PTPRJ: variants seen among roughly 807,000 people sequenced by gnomAD.
PTPRJ encodes the protein receptor-type tyrosine-protein phosphatase eta.
A neutral mutation model predicts 141.3 loss-of-function variants in PTPRJ; 129 were observed. The ratio of observed to expected loss-of-function variants is 0.91; its 90% CI spans 0.79 to 1.06. The LOEUF (loss-of-function observed/expected upper bound fraction) is 1.06. PTPRJ is among the 50% of genes least tolerant of loss of function. The pLI is 0.00. For missense variants in PTPRJ, 1,601 were observed against 1,679.7 expected (o/e 0.95, Z 0.82); for synonymous variants, 610 against 640.5 (o/e 0.95, Z 0.72).
rs1858027756 is a variant in PTPRJ, at chr11:48,170,448, C to T, written c.*3086C>T. 1 of 152,156 alleles carries T rather than the reference C, an allele frequency of 6.6e-6. No individual in the cohort carries two copies. Among genetic ancestry groups the T allele is most frequent in the African/African-American group, 2.4e-5 (1 of 41,402 alleles). The allele number at this position is 152,156 out of a possible 1,614,324, so 9.4% of individuals were successfully genotyped here. On this transcript the variant is annotated 3_prime_UTR_variant, in exon 25 of 25. Coordinates refer to ENST00000418331, the MANE Select transcript of PTPRJ (RefSeq NM_002843.4). ...CGAGGGGCGGGGGTCAGCTATGCAG[C>T]CCATCACGTGTGTTTTTCATCTGGG... is the stretch of plus-strand genomic sequence containing the variant.
In PTPRJ at chr11:47,980,874, G is replaced by A. The variant is rs1265634814; in HGVS notation, c.-39G>A. The A allele has an allele frequency of 8.1e-6, 9 of 1,106,206 alleles. No individual in the cohort carries two copies. 68.5% of individuals were successfully genotyped at this position (1,106,206 alleles called of 1,614,324 possible). ...CGGGCTCGGGCGCACGGCGGGGCCC[G>A]ATTCGCGCGTCCGGGGCACGTTCCA... On this transcript the variant is annotated 5_prime_UTR_variant, in exon 1 of 25. Transcript: ENST00000418331.
chr11:48,006,506 G>A (rs1398957885), intron 1 of PTPRJ, among the ~76,000 whole-genome samples: 1 of 152,194 alleles, frequency 6.6e-6, no homozygotes, highest in Admixed American at 6.5e-5. Context: ...GTGGAGGCCA[G>A]TGAGCTGGTT....
At chr11:48,153,141 G>A (rs908509694) in intron 18 of PTPRJ, among the ~76,000 whole-genome samples, 1 of 152,180 alleles carries the variant, frequency 6.6e-6, no homozygotes. Context: ...ATCGGGTGCT[G>A]CAGCCAAGGA....
At chr11:48,114,465 T>C (rs1200440671) in intron 3 of PTPRJ, among the ~76,000 whole-genome samples, 1 of 130,894 alleles carries the variant, frequency 7.6e-6, no homozygotes, top group African/African-American at 3.0e-5. Flanking sequence ...AAAAGAAAAA[T>C]TCCTAGCAAG....
chr11:48,008,365 A>G (rs1163116795), intron 1 of PTPRJ, among the ~76,000 whole-genome samples: 2 of 151,762 alleles, frequency 1.3e-5, no homozygotes, highest in South Asian at 2.1e-4. Context: ...GGTTTAAGCA[A>G]TTCTCTGCCT....
chr11:48,056,227 G>A (rs555662617), intron 1 of PTPRJ, among the ~76,000 whole-genome samples: 2 of 152,242 alleles, frequency 1.3e-5, no homozygotes, highest in East Asian at 1.9e-4. Flanking sequence ...GAAGTTAGAC[G>A]CACACATAAT....
chr11:48,109,225 G>T (rs1856374966), intron 1 of PTPRJ, among the ~76,000 whole-genome samples: 1 of 152,018 alleles, frequency 6.6e-6, no homozygotes, highest in Admixed American at 6.5e-5. Context: ...GAAAGTAGGA[G>T]GACGGTTTTT....
chr11:48,167,319 C>G lies in PTPRJ; in HGVS notation c.3971C>G (p.Ala1324Gly). 1 of 1,614,054 alleles carries G rather than the reference C, an allele frequency of 6.2e-7. No individual in the cohort carries two copies. The change falls in exon 25 of 25, where the codon GCG becomes GGG. Residue 1324 changes from alanine to glycine, a missense_variant. Coordinates refer to ENST00000418331, the MANE Select transcript of PTPRJ (RefSeq NM_002843.4). ...TTAMTIYENL[A>G]PVTTFGKTNG... ...GCAATGACAATCTATGAAAACCTTG[C>G]GCCCGTGACCACATTTGGAAAGACC...
intron 1 of PTPRJ, among the ~76,000 whole-genome samples, chr11:48,026,426 C>G (rs1451493916): frequency 6.6e-6 from 1 of 152,048 alleles, no homozygotes; most frequent in African/African-American, 2.4e-5. Flanking sequence ...AGGCAGTATC[C>G]TGCTGTCTTC....
intron 11 of PTPRJ, among the ~76,000 whole-genome samples, chr11:48,142,099 G>A (rs917201828): frequency 6.6e-6 from 1 of 152,118 alleles, no homozygotes; most frequent in Non-Finnish European, 1.5e-5. Context: ...TTGTTGAAGA[G>A]GCTGTCTTTT....
At chr11:48,030,482 C>CCTCCTTCTG (rs1296444070) in intron 1 of PTPRJ, among the ~76,000 whole-genome samples, 15 of 152,240 alleles carry the variant, frequency 9.9e-5, no homozygotes, top group East Asian at 7.7e-4. Flanking sequence ...GGAGGAAAGG[C>CCTCCTTCTG]ACAGATCAAG....
intron 1 of PTPRJ, among the ~76,000 whole-genome samples, chr11:48,076,642 T>C (rs934600061): frequency 1.3e-5 from 2 of 152,182 alleles, no homozygotes; most frequent in African/African-American, 4.8e-5. Context: ...CCTGTAGGAA[T>C]TGGCATCAAT....
chr11:48,150,456 C>T (rs941065892), intron 18 of PTPRJ, among the ~76,000 whole-genome samples: 12 of 152,300 alleles, frequency 7.9e-5, no homozygotes, highest in African/African-American at 2.4e-4. Context: ...AAACCCTTTG[C>T]GTCATACTGT....
Position 48,055,860 on chromosome 11 carries a change from C to T in PTPRJ, c.97-54198C>T, listed in dbSNP as rs1402090713. On this transcript the variant is annotated intron_variant, in intron 1 of 24. Transcript: ENST00000418331. ...GGAGCAATAAGCAGTGCTGAAAACG[C>T]GATGCATTTCAACCCAAAGCACTCT... 4.6e-5 allele frequency among the ~76,000 whole-genome samples: 7 copies of T among 152,316 alleles called. No individual in the cohort carries two copies. In the East Asian group the frequency reaches 7.7e-4, roughly 17 times the overall value.
chr11:48,122,807 A>G (rs1476179997), intron 4 of PTPRJ, among the ~76,000 whole-genome samples: 1 of 152,220 alleles, frequency 6.6e-6, no homozygotes, highest in Non-Finnish European at 1.5e-5. Flanking sequence ...CCTTAGAATC[A>G]TCTAGGCCGA....
intron 1 of PTPRJ, among the ~76,000 whole-genome samples, chr11:48,012,289 C>T (rs1379804963): frequency 1.3e-5 from 2 of 152,146 alleles, no homozygotes; most frequent in African/African-American, 4.8e-5. Context: ...AATTGAGCCA[C>T]AGCCCCAAGG....
At position 48,121,222 on chromosome 11, in the gene PTPRJ, G is replaced by C. The variant is rs1272048080; in HGVS notation, c.572G>C (p.Gly191Ala). Residue 191 changes from glycine to alanine, a missense_variant, in exon 4 of 25, where the codon GGC (glycine) becomes GCC (alanine). Transcript: ENST00000418331. ...SYVFSITPGI[G>A]NETWGDPRVI... ...GTATTCTCCATCACTCCAGGAATAGGCAATGAGACTTGGGGAGATCCCAGA... is the reference window on the plus strand; with the variant it reads ...GTATTCTCCATCACTCCAGGAATAGCCAATGAGACTTGGGGAGATCCCAGA... 2 of 1,614,132 alleles carry C rather than the reference G, an allele frequency of 1.2e-6. No individual in the cohort carries two copies. The highest frequency in any genetic ancestry group is 2.7e-5 in the African/African-American group (2 of 75,048).
intron 1 of PTPRJ, among the ~76,000 whole-genome samples, chr11:48,064,752 C>T (rs1340351304): frequency 1.3e-5 from 2 of 151,822 alleles, no homozygotes; most frequent in African/African-American, 4.8e-5. Context: ...TACAGGCGCC[C>T]ACCACGGGCC....
Position 48,168,134 on chromosome 11 carries a change from G to A in PTPRJ, c.*772G>A, listed in dbSNP as rs561979015. 1.3e-4 allele frequency: 20 copies of A among 151,200 alleles called. No homozygotes were observed. In the East Asian group the frequency reaches 3.9e-3, roughly 30 times the overall value. 9.4% of individuals were successfully genotyped at this position (151,200 alleles called of 1,614,324 possible). On this transcript the variant is annotated 3_prime_UTR_variant, in exon 25 of 25. Transcript: ENST00000418331. ...CCCAGTTTTCTCCAAAGACTCTTCT[G>A]TTGGCAACATTTTCAACCCATTGGT...
Sources: allele counts gnomAD v4.1 joint callset (sites outside exome capture counted in the v4.1 genomes callset), GRCh38; gene constraint gnomAD v4.1.1; transcripts MANE v1.5; gene names NCBI Gene and HGNC (gene_info 2026-07-23, HGNC 2026-07-21).